Variants in FSTL4 observed in about 807,000 individuals in gnomAD.
The protein encoded by FSTL4 is follistatin-related protein 4.
FSTL4 carries 28 observed loss-of-function variants against 78.2 expected under a neutral mutation model. That is an observed-to-expected ratio of 0.36 (90% CI 0.27 to 0.49). FSTL4 has a LOEUF of 0.49. Ranked by LOEUF, FSTL4 falls within the 20% of genes least tolerant of loss-of-function variation. FSTL4 has a pLI of 0.98. For missense variants in FSTL4, 922 were observed against 1,084.9 expected, an observed-to-expected ratio of 0.85 and a Z score of 2.11; for synonymous variants, 422 against 440.5, an observed-to-expected ratio of 0.96 and a Z score of 0.53.
chr5:133,245,457 T>A (rs1752014294), intron 7 of FSTL4, among the ~76,000 whole-genome samples: 1 of 152,228 alleles, frequency 6.6e-6, no homozygotes, highest in African/African-American at 2.4e-5. Context: ...CTAAGACTCT[T>A]AATGTTAATA....
the FSTL4 span, among the ~76,000 whole-genome samples, chr5:133,812,682 C>T: frequency 1.3e-5 from 2 of 152,230 alleles, no homozygotes; most frequent in African/African-American, 4.8e-5. Flanking sequence ...TATTTTACAT[C>T]CATGCAGCTA....
chr5:133,447,980 G>A (rs546556598), intron 3 of FSTL4, among the ~76,000 whole-genome samples: 2 of 151,570 alleles, frequency 1.3e-5, no homozygotes, highest in Admixed American at 1.3e-4. Flanking sequence ...TTAATTTCAG[G>A]TACCTTCAAG....
chr5:133,563,201 C>G (rs1759957413), intron 3 of FSTL4, among the ~76,000 whole-genome samples: 1 of 152,206 alleles, frequency 6.6e-6, no homozygotes, highest in Non-Finnish European at 1.5e-5. Context: ...GACACCCTAT[C>G]AGTCTCGTAG....
intron 4 of FSTL4, among the ~76,000 whole-genome samples, chr5:133,336,003 T>C (rs1561677361): frequency 6.6e-6 from 1 of 152,220 alleles, no homozygotes; most frequent in Non-Finnish European, 1.5e-5. Context: ...TTGGCAGAGA[T>C]AGGCAACCCA....
intron 2 of FSTL4, among the ~76,000 whole-genome samples, chr5:133,599,275 C>G (rs931249766): frequency 6.6e-6 from 1 of 152,174 alleles, no homozygotes; most frequent in Non-Finnish European, 1.5e-5. Context: ...GGTTGCCATG[C>G]CTCGCGGGGA....
the FSTL4 span, among the ~76,000 whole-genome samples, chr5:133,841,113 G>A: frequency 6.6e-6 from 1 of 152,214 alleles, no homozygotes; most frequent in South Asian, 2.1e-4. Flanking sequence ...ATTCCTGGCT[G>A]TGTCCACAAC....
At chr5:133,687,885 T>C in the FSTL4 span, among the ~76,000 whole-genome samples, 3 of 152,230 alleles carry the variant, frequency 2.0e-5, no homozygotes, top group African/African-American at 4.8e-5. Flanking sequence ...TCAATCTGCC[T>C]GCTGCTCCCA....
At chr5:133,339,932 T>A (rs1375034892) in intron 4 of FSTL4, among the ~76,000 whole-genome samples, 4 of 152,142 alleles carry the variant, frequency 2.6e-5, no homozygotes, top group Admixed American at 1.3e-4. Context: ...GGAGCTCCAC[T>A]CAGTGTGAAA....
chr5:133,533,295 G>A (rs1257956774), intron 3 of FSTL4, among the ~76,000 whole-genome samples: 2 of 152,172 alleles, frequency 1.3e-5, no homozygotes, highest in Non-Finnish European at 2.9e-5. Context: ...CCGGGCTGGA[G>A]TAAAGTGATG....
chr5:133,595,227 A>C (rs1273080356), intron 2 of FSTL4, among the ~76,000 whole-genome samples: 3 of 152,218 alleles, frequency 2.0e-5, no homozygotes, highest in Non-Finnish European at 2.9e-5. Context: ...CACACATCCC[A>C]TACGATTCTC....
At chr5:133,434,205 G>A (rs1253393258) in intron 3 of FSTL4, among the ~76,000 whole-genome samples, 1 of 152,136 alleles carries the variant, frequency 6.6e-6, no homozygotes, top group Non-Finnish European at 1.5e-5. Flanking sequence ...GAGACTCAAG[G>A]TGCGCTTTGG....
At chr5:133,639,188 G>T in the FSTL4 span, among the ~76,000 whole-genome samples, 1 of 151,960 alleles carries the variant, frequency 6.6e-6, no homozygotes, top group Admixed American at 6.6e-5. Flanking sequence ...CATCATTCTC[G>T]GCAAACAACA....
chr5:133,457,620 C>A (rs1184538474), intron 3 of FSTL4, among the ~76,000 whole-genome samples: 2 of 152,212 alleles, frequency 1.3e-5, no homozygotes, highest in African/African-American at 4.8e-5. Context: ...TGTTAGCCAG[C>A]CAAGGCAGCG....
At chr5:133,423,711 C>T (rs889288157) in intron 3 of FSTL4, among the ~76,000 whole-genome samples, 2 of 152,012 alleles carry the variant, frequency 1.3e-5, no homozygotes, top group African/African-American at 2.4e-5. Context: ...GGGGTGGTGA[C>T]GATAGACGTA....
chr5:133,835,082 C>T, the FSTL4 span, among the ~76,000 whole-genome samples: 27 of 152,196 alleles, frequency 1.8e-4, no homozygotes, highest in Non-Finnish European at 3.5e-4. Flanking sequence ...AAATAAGTCA[C>T]GTAGATCAGT....
intron 4 of FSTL4, among the ~76,000 whole-genome samples, chr5:133,321,303 T>C (rs1379990759): frequency 6.6e-6 from 1 of 152,220 alleles, no homozygotes; most frequent in East Asian, 1.9e-4. Flanking sequence ...CATCACCTGA[T>C]GTAAGCTGGC....
At position 133,612,161 on chromosome 5, in the gene FSTL4, T is replaced by C. The variant is rs1045231734; in HGVS notation, c.-11+164A>G. Reference sequence around the variant, plus strand: ...CCTTCCCCGCGGGCAAACTTGGCTTTCCCGGCGCGGGCAGTAAGGACAAGC... The same window carrying C: ...CCTTCCCCGCGGGCAAACTTGGCTTCCCCGGCGCGGGCAGTAAGGACAAGC... On this transcript the variant is annotated intron_variant, in intron 1 of 15. Coordinates refer to ENST00000265342, the MANE Select transcript of FSTL4 (RefSeq NM_015082.2). This position sits in a 1 kb window ranked among gnomAD's most constrained non-coding sequence, Gnocchi z 6.2. Among the ~76,000 whole-genome samples the C allele has an allele frequency of 2.2e-4, 34 of 151,840 alleles. No homozygotes were observed. Among genetic ancestry groups the C allele is most frequent in the African/African-American group, 8.2e-4 (34 of 41,484 alleles).
At chr5:133,718,809 A>C in the FSTL4 span, among the ~76,000 whole-genome samples, 7 of 152,214 alleles carry the variant, frequency 4.6e-5, no homozygotes, top group Non-Finnish European at 1.0e-4. Context: ...TGACTTGATT[A>C]TTACCTCCTA....
At chr5:133,725,719 C>T in the FSTL4 span, among the ~76,000 whole-genome samples, 1 of 152,108 alleles carries the variant, frequency 6.6e-6, no homozygotes, top group Non-Finnish European at 1.5e-5. Flanking sequence ...TAATAACACT[C>T]TTTATAATAT....
Sources: allele counts gnomAD v4.1 joint callset (sites outside exome capture counted in the v4.1 genomes callset), GRCh38; gene constraint gnomAD v4.1.1; non-coding constraint Gnocchi (gnomAD v3.1); transcripts MANE v1.5; gene names NCBI Gene and HGNC (gene_info 2026-07-23, HGNC 2026-07-21).